PADI1: variants seen among roughly 807,000 people sequenced by gnomAD.
The protein encoded by PADI1 is peptidyl arginine deiminase 1, also known as protein-arginine deiminase type-1.
In PADI1, 65 loss-of-function variants were observed where a neutral mutation model predicts 74.8. The ratio of observed to expected loss-of-function variants is 0.87; its 90% CI spans 0.71 to 1.07. The LOEUF (loss-of-function observed/expected upper bound fraction) is 1.07. PADI1 is among the 50% of genes least tolerant of loss of function. The pLI, the probability that PADI1 is intolerant of heterozygous loss-of-function variation, is 0.00. For missense variants in PADI1, 943 were observed against 854.0 expected (o/e 1.10, Z -1.30); for synonymous variants, 371 against 336.2 (o/e 1.10, Z -1.13).
intron 1 of PADI1, 33 bp from the exon 2 acceptor site, chr1:17,222,257 A>AGAAC: frequency 7.0e-6 from 11 of 1,568,994 alleles, no homozygotes; most frequent in Non-Finnish European, 9.6e-6. Flanking sequence ...AGATGGGAAG[A>AGAAC]CTGGTTCTCT....
At chr1:17,235,229 G>A (rs1403255818) in intron 11 of PADI1, among the ~76,000 whole-genome samples, 2 of 127,106 alleles carry the variant, frequency 1.6e-5, no homozygotes, top group African/African-American at 6.2e-5. Flanking sequence ...AAGGAAGGAA[G>A]GGAGGGAGGG....
intron 1 of PADI1, among the ~76,000 whole-genome samples, chr1:17,209,978 C>A (rs952057549): frequency 3.3e-5 from 5 of 151,992 alleles, no homozygotes; most frequent in African/African-American, 9.7e-5. Context: ...CCTCTGCCCC[C>A]CAAGTAGCTG....
intron 1 of PADI1, among the ~76,000 whole-genome samples, chr1:17,221,257 T>C (rs2072140812): frequency 6.6e-6 from 1 of 152,180 alleles, no homozygotes; most frequent in African/African-American, 2.4e-5. Context: ...ACACCTACCA[T>C]GTGCCAGACA....
At chr1:17,210,992 T>A (rs1206325427) in intron 1 of PADI1, among the ~76,000 whole-genome samples, 1 of 152,208 alleles carries the variant, frequency 6.6e-6, no homozygotes, top group Admixed American at 6.5e-5. Context: ...GGAGCTTCCA[T>A]CCTAGTTGGA....
chr1:17,239,108 A>G (rs953324000), intron 13 of PADI1, among the ~76,000 whole-genome samples: 2 of 152,214 alleles, frequency 1.3e-5, no homozygotes, highest in African/African-American at 4.8e-5. Context: ...AGGCTTGGTC[A>G]GGGCCCCTCT....
Position 17,230,588 on chromosome 1 carries a change from G to A in PADI1, c.1070G>A (p.Gly357Asp). Residue 357 changes from glycine to aspartate, a missense_variant, in exon 10 of 16, where the codon GGC becomes GAC. Coordinates refer to ENST00000375471, the MANE Select transcript of PADI1 (RefSeq NM_013358.3). Reference protein sequence around the residue: ...DRWIQDEMEFGYIEAPHKSFP... With the variant: ...DRWIQDEMEFDYIEAPHKSFP... Reference sequence around the variant, plus strand: ...CCCTCCCAGGACGAGATGGAGTTTGGCTACATCGAGGCCCCTCACAAATCC... The same window carrying A: ...CCCTCCCAGGACGAGATGGAGTTTGACTACATCGAGGCCCCTCACAAATCC... 1.9e-6 allele frequency: 3 copies of A among 1,610,052 alleles called. No homozygotes were observed. Among genetic ancestry groups the A allele is most frequent in the South Asian group, 1.1e-5 (1 of 90,604 alleles).
rs756071586 is a variant in PADI1 at position 17,237,445 on chromosome 1, C to T, written c.1445C>T (p.Thr482Ile). The T allele has an allele frequency of 6.2e-7, 1 of 1,611,462 alleles. No homozygotes were observed. Among genetic ancestry groups the T allele is most frequent in the Non-Finnish European group, 8.5e-7 (1 of 1,178,548 alleles). The change falls in exon 12 of 16, where the codon ACC becomes ATC. Residue 482 changes from threonine to isoleucine, a missense_variant. Physicochemically the swap from Thr to Ile is moderately conservative, Grantham distance 89. Coordinates refer to ENST00000375471, the MANE Select transcript of PADI1 (RefSeq NM_013358.3). ...GACGAGTTTCTGACCTTTGTGCCTA[C>T]CTCTGACCAAAAGGTGCGTCCCCTC... ...HVDEFLTFVP[T>I]SDQKGFRLLL...
Position 17,232,916 on chromosome 1 carries a change from TG to T in PADI1, c.1262del (p.Gly421AlafsTer32). On this transcript the variant is annotated frameshift_variant, in exon 11 of 16. Transcript: ENST00000375471. LOFTEE classifies it high-confidence loss of function. ...GNLDVSPPVT[V>X]GGTEYPLGRI... ...CTGGACGTCAGCCCGCCCGTCACGG[TG>T]GGCGGCACGGAATACCCCCTGGGCC... 3 of 1,612,844 alleles carry T rather than the reference TG, an allele frequency of 1.9e-6. No individual in the cohort carries two copies. The highest frequency in any genetic ancestry group is 2.5e-6 in the Non-Finnish European group (3 of 1,179,802).
chr1:17,215,399 ATCATCATCAT>A (rs1557452890), intron 1 of PADI1, among the ~76,000 whole-genome samples: 1 of 151,224 alleles, frequency 6.6e-6, no homozygotes, highest in African/African-American at 2.4e-5. Context: ...CATCATCGTC[ATCATCATCAT>A]CATCATCATT....
In PADI1 at chr1:17,228,805, C is replaced by T. The variant is rs753959048; in HGVS notation, c.825+8C>T. 9.3e-6 allele frequency: 15 copies of T among 1,613,154 alleles called. 1 individual carries two copies. In the South Asian group the frequency reaches 1.5e-4, roughly 17 times the overall value. On this transcript the variant is annotated splice_region_variant and intron_variant, in intron 7 of 15. Transcript: ENST00000375471. ...AGCCTGGTGGACCCGGGGGTGTGTA[C>T]AGCACTGGGGGGTGGCCAAGGAGGC...
intron 1 of PADI1, among the ~76,000 whole-genome samples, chr1:17,219,309 T>G (rs550045852): frequency 7.5e-4 from 114 of 151,512 alleles, no homozygotes; most frequent in African/African-American, 2.6e-3. Context: ...GGGACAGCAG[T>G]GGGGGGCGAG....
At chr1:17,235,575 G>A (rs1206154973) in intron 11 of PADI1, among the ~76,000 whole-genome samples, 1 of 152,100 alleles carries the variant, frequency 6.6e-6, no homozygotes, top group Non-Finnish European at 1.5e-5. Context: ...CTGGGCTCAG[G>A]AGCAGAGAGC....
intron 1 of PADI1, among the ~76,000 whole-genome samples, chr1:17,211,545 T>A (rs1189627424): frequency 1.3e-5 from 2 of 152,202 alleles, no homozygotes; most frequent in Non-Finnish European, 2.9e-5. Context: ...AATCCCCATT[T>A]GCAGACACGC....
At chr1:17,208,808 C>T (rs564927733) in intron 1 of PADI1, among the ~76,000 whole-genome samples, 4 of 152,210 alleles carry the variant, frequency 2.6e-5, no homozygotes, top group Non-Finnish European at 5.9e-5. Flanking sequence ...AATCCATCTG[C>T]GGTCCTGTGT....
At chr1:17,215,939 C>T (rs561327549) in intron 1 of PADI1, among the ~76,000 whole-genome samples, 1 of 152,286 alleles carries the variant, frequency 6.6e-6, no homozygotes, top group African/African-American at 2.4e-5. Flanking sequence ...GGGAACCAGA[C>T]TCATGGTGTC....
intron 11 of PADI1, among the ~76,000 whole-genome samples, chr1:17,235,496 G>C (rs530658884): frequency 6.6e-6 from 1 of 152,308 alleles, no homozygotes; most frequent in Non-Finnish European, 1.5e-5. Flanking sequence ...GCTGGGGACA[G>C]AGTTCAGGGA....
intron 1 of PADI1, among the ~76,000 whole-genome samples, chr1:17,214,463 CTCCTGTAGTGGTAA>C (rs1439677838): frequency 1.3e-5 from 2 of 152,104 alleles, no homozygotes; most frequent in African/African-American, 4.8e-5. Flanking sequence ...GACAGGGTGA[CTCCTGTAGTGGTAA>C]TGATTTGGCC....
intron 12 of PADI1, 129 bp from the exon 13 acceptor site, chr1:17,238,487 C>A: frequency 2.3e-6 from 1 of 427,642 alleles, no homozygotes. Context: ...TGCTTTGTGG[C>A]TGGGGTGTAG....
chr1:17,224,530 A>G, intron 4 of PADI1, 102 bp downstream of exon 4: 1 of 909,860 alleles, frequency 1.1e-6, no homozygotes, highest in Non-Finnish European at 1.8e-6. Flanking sequence ...ATGGATCCCC[A>G]GGGTCTGTAG....
Sources: gnomAD v4.1 joint callset for allele counts (sites outside exome capture counted in the v4.1 genomes callset) on GRCh38, gnomAD v4.1.1 for gene constraint, MANE v1.5 for transcripts, NCBI Gene and HGNC (gene_info 2026-07-23, HGNC 2026-07-21) for gene names.